Variants in STAM observed in about 807,000 individuals in gnomAD.
STAM encodes the protein signal transducing adapter molecule 1.
Under a neutral mutation model 63.4 loss-of-function variants are expected in STAM, and 16 were observed. The observed-to-expected ratio is 0.25, with a 90% confidence interval of 0.17 to 0.38. The LOEUF (loss-of-function observed/expected upper bound fraction) is 0.38, where lower values mean the gene tolerates loss of function less well. Among genes scored for constraint, STAM ranks in the 10% least tolerant of loss-of-function variants. The pLI is 1.00. For synonymous variants in STAM, 238 were observed against 223.9 expected (o/e 1.06, Z -0.56); for missense variants, 636 against 657.1 (o/e 0.97, Z 0.35).
chr10:17,673,105 T>C (rs1195062257), intron 2 of STAM: 2 of 885,840 alleles, frequency 2.3e-6, no homozygotes, highest in African/African-American at 3.6e-5. Context: ...TTTGGTAGAC[T>C]CTTCTAAGTG....
At chr10:17,704,923 T>A (rs1380897425) in intron 10 of STAM, 47 bp from the exon 11 acceptor site, 1 of 1,492,100 alleles carries the variant, frequency 6.7e-7, no homozygotes, top group African/African-American at 1.4e-5. Context: ...GGTTCACATT[T>A]TTTTTTCTTG....
rs114529501 is a variant in STAM at position 17,708,858 on chromosome 10, C to T, written c.1292C>T (p.Pro431Leu). The stretch of plus-strand genomic sequence containing the variant: ...AGCCACCTCCAGAGCTACAGTCTTC[C>T]CCCGGAGCAGCTGTCTTCTCTCAGC... ...QMSHLQSYSL[P>L]PEQLSSLSQA... The change falls in exon 13 of 14, where the codon CCC (proline) becomes CTC (leucine). Residue 431 changes from proline (P) to leucine (L), a missense_variant. Transcript: ENST00000377524. 3.8e-4 allele frequency: 613 copies of T among 1,614,160 alleles called. 3 individuals carry two copies. The African/African-American group carries it at 7.0e-3, about 19-fold the overall frequency.
chr10:17,704,836 C>T, intron 10 of STAM, 134 bp from the exon 11 acceptor site: 1 of 757,316 alleles, frequency 1.3e-6, no homozygotes, highest in Non-Finnish European at 2.1e-6. Flanking sequence ...GTTCTGTAGA[C>T]TAAGGTTAAA....
In STAM at chr10:17,665,122, A is replaced by C. The variant is rs140142261; in HGVS notation, c.125+4574A>C. On this transcript the variant is annotated intron_variant, in intron 2 of 13. Transcript: ENST00000377524. ...GAGCTATTATTGTGAAGTTTCATTT[A>C]GTCAGAACTGTGACCAGGAAACATG... Among the ~76,000 whole-genome samples, 315 of 151,880 alleles carry C rather than the reference A, an allele frequency of 2.1e-3. 2 individuals are homozygous for C. The highest frequency in any genetic ancestry group is 7.3e-3 in the African/African-American group (303 of 41,376).
At chr10:17,663,707 AGTT>A (rs1554823128) in intron 2 of STAM, among the ~76,000 whole-genome samples, 1 of 152,162 alleles carries the variant, frequency 6.6e-6, no homozygotes, top group Non-Finnish European at 1.5e-5. Flanking sequence ...GTTAATAAAG[AGTT>A]GTTTGAAAAG....
At chr10:17,700,110 A>G (rs1215616559) in intron 8 of STAM, 81 bp from the exon 9 acceptor site, 3 of 1,186,510 alleles carry the variant, frequency 2.5e-6, no homozygotes, top group Non-Finnish European at 3.5e-6. Flanking sequence ...AAATCCCCAA[A>G]TCTCTCTTGG....
Position 17,715,741 on chromosome 10 carries a change from A to G in STAM, c.*961A>G, listed in dbSNP as rs1554830825. 6.6e-6 allele frequency: 1 copy of G among 152,628 alleles called. No individual in the cohort carries two copies. The highest frequency in any genetic ancestry group is 2.4e-5 in the African/African-American group (1 of 41,458). The allele number at this position is 152,628 out of a possible 1,614,324, so 9.5% of individuals were successfully genotyped here. On this transcript the variant is annotated 3_prime_UTR_variant, in exon 14 of 14. Transcript: ENST00000377524. ...CAATGGATAGAAATTTTTAAACTGG[A>G]AAGAAAACCTGAATTACACTACATT...
At position 17,660,471 on chromosome 10, in the gene STAM, A is replaced by C; in HGVS notation, c.48A>C (p.Ala16=). ...CCCCTTTACAATCTACAGAGAAAGC[A>C]ACCAGCGAGATGAATACTGCTGAGG... ...TNPFDQDVEK[A]TSEMNTAEDW... The change falls in exon 2 of 14, where the codon GCA becomes GCC. Residue 16 remains alanine (A), a synonymous_variant. Transcript: ENST00000377524. 9 of 1,594,446 alleles carry C rather than the reference A, an allele frequency of 5.6e-6. No individual in the cohort carries two copies. Among genetic ancestry groups the C allele is most frequent in the Non-Finnish European group, 7.7e-6 (9 of 1,171,122 alleles).
chr10:17,656,293 T>TA (rs34558527), intron 1 of STAM, among the ~76,000 whole-genome samples: 6,634 of 127,668 alleles, frequency 0.052, 187 homozygotes, highest in Middle Eastern at 0.13. Context: ...GACTCCGTCT[T>TA]AAAAAAAAAA....
chr10:17,691,109 C>T (rs1835511265), intron 5 of STAM, among the ~76,000 whole-genome samples: 1 of 152,192 alleles, frequency 6.6e-6, no homozygotes, highest in African/African-American at 2.4e-5. Context: ...TCAGAAGTGT[C>T]TGATAATTAA....
chr10:17,688,412 A>G (rs1437884181), intron 5 of STAM, among the ~76,000 whole-genome samples: 2 of 152,134 alleles, frequency 1.3e-5, no homozygotes, highest in African/African-American at 2.4e-5. Context: ...CTACTTCTTT[A>G]TAAACGAATT....
In STAM at chr10:17,715,187, A is replaced by G. The variant is rs533819929; in HGVS notation, c.*407A>G. On this transcript the variant is annotated 3_prime_UTR_variant, in exon 14 of 14. Coordinates refer to ENST00000377524, the MANE Select transcript of STAM (RefSeq NM_003473.4). The stretch of plus-strand genomic sequence containing the variant: ...GTGAATATATTTAACACTGTGTTAA[A>G]TTAATTTACGTTGCTATTTTATTTT... The G allele has an allele frequency of 2.4e-4, 42 of 175,448 alleles. No individual in the cohort carries two copies. Among genetic ancestry groups the G allele is most frequent in the Non-Finnish European group, 3.1e-4 (25 of 79,960 alleles). 10.9% of individuals were successfully genotyped at this position (175,448 alleles called of 1,614,324 possible).
chr10:17,714,314 C>T (rs1391845351), intron 13 of STAM, among the ~76,000 whole-genome samples: 1 of 151,696 alleles, frequency 6.6e-6, no homozygotes, highest in African/African-American at 2.4e-5. Flanking sequence ...CGCAAACCAC[C>T]CCCCCCAACT....
rs553752906 is a variant in STAM, at chr10:17,702,980, G to A, written c.913-1451G>A. 6.9e-5 allele frequency among the ~76,000 whole-genome samples: 9 copies of A among 129,772 alleles called. No individual in the cohort carries two copies. In the South Asian group the frequency reaches 2.3e-3, roughly 33 times the overall value. The allele number at this position is 129,772 out of a possible 152,430, so 85.1% of individuals were successfully genotyped here. On this transcript the variant is annotated intron_variant, in intron 9 of 13. Coordinates refer to ENST00000377524, the MANE Select transcript of STAM (RefSeq NM_003473.4). ...GCCAAGATCATGCCACTGCACTCCA[G>A]CCTGGGAGACAGAGTAAGACTCCAT... is the stretch of plus-strand genomic sequence containing the variant.
intron 13 of STAM, among the ~76,000 whole-genome samples, chr10:17,709,721 C>G (rs1836468985): frequency 6.6e-6 from 1 of 151,870 alleles, no homozygotes; most frequent in Non-Finnish European, 1.5e-5. Flanking sequence ...TTCTAGAAAC[C>G]TTTCCAGCAG....
At chr10:17,693,005 C>CCTA (rs1370952032) in intron 5 of STAM, among the ~76,000 whole-genome samples, 4 of 152,038 alleles carry the variant, frequency 2.6e-5, no homozygotes, top group African/African-American at 2.4e-5. Flanking sequence ...GGAGGGTGTG[C>CCTA]CTAGGCTGCC....
chr10:17,694,409 CAA>C (rs1341031884), intron 6 of STAM, among the ~76,000 whole-genome samples: 2 of 152,058 alleles, frequency 1.3e-5, no homozygotes, highest in African/African-American at 2.4e-5. Context: ...TACTCTAAAA[CAA>C]GAGCGGAAGA....
chr10:17,664,186 G>A (rs1330235653), intron 2 of STAM, among the ~76,000 whole-genome samples: 1 of 152,038 alleles, frequency 6.6e-6, no homozygotes, highest in African/African-American at 2.4e-5. Flanking sequence ...GATCAACTTA[G>A]TAATAGAAAA....
At chr10:17,693,656 T>G (rs533912993) in intron 6 of STAM, among the ~76,000 whole-genome samples, 82 of 152,344 alleles carry the variant, frequency 5.4e-4, no homozygotes, top group Non-Finnish European at 8.5e-4. Flanking sequence ...GTGTGATATA[T>G]CCATTAACTG....
Sources: allele counts gnomAD v4.1 joint callset (sites outside exome capture counted in the v4.1 genomes callset), GRCh38; gene constraint gnomAD v4.1.1; transcripts MANE v1.5; gene names NCBI Gene and HGNC (gene_info 2026-07-23, HGNC 2026-07-21).